RBFOX1: variants seen among roughly 807,000 people sequenced by gnomAD.
The protein encoded by RBFOX1 is RNA binding fox-1 homolog 1, also known as RNA binding protein fox-1 homolog 1.
RBFOX1 carries 8 observed loss-of-function variants against 57.7 expected under a neutral mutation model. That is an observed-to-expected ratio of 0.14 (90% confidence interval 0.08 to 0.25). The LOEUF (loss-of-function observed/expected upper bound fraction) is 0.25. Ranked by LOEUF, RBFOX1 falls within the 10% of genes least tolerant of loss-of-function variation. The pLI, the probability that RBFOX1 is intolerant of heterozygous loss-of-function variation, is 1.00. For missense variants in RBFOX1, 611 were observed against 548.5 expected (o/e 1.11, Z -1.14); for synonymous variants, 326 against 222.4 (o/e 1.47, Z -4.15).
intron 2 of RBFOX1, among the ~76,000 whole-genome samples, chr16:6,518,779 C>G (rs1567531334): frequency 1.3e-5 from 1 of 76,142 alleles, no homozygotes; most frequent in East Asian, 3.9e-4. Flanking sequence ...ATCCATCTGT[C>G]TGTCTGTCTG....
intron 3 of RBFOX1, among the ~76,000 whole-genome samples, chr16:5,792,048 G>A (rs759664893): frequency 2.0e-5 from 3 of 152,144 alleles, no homozygotes; most frequent in Non-Finnish European, 4.4e-5. Flanking sequence ...CAGAAGTTGT[G>A]TCTTTGCCTA....
chr16:7,430,840 T>C (rs926125449), intron 4 of RBFOX1, among the ~76,000 whole-genome samples: 8 of 152,294 alleles, frequency 5.3e-5, no homozygotes, highest in African/African-American at 1.7e-4. Flanking sequence ...GCATCCTTAT[T>C]CATAGGAAGG....
intron 4 of RBFOX1, among the ~76,000 whole-genome samples, chr16:7,247,957 G>A (rs59796945): frequency 1.1e-4 from 16 of 152,232 alleles, no homozygotes; most frequent in African/African-American, 3.9e-4. Flanking sequence ...TAATACCTGG[G>A]TGATGAAAAA....
At chr16:6,083,179 T>G (rs1276680528) in intron 1 of RBFOX1, among the ~76,000 whole-genome samples, 1 of 151,976 alleles carries the variant, frequency 6.6e-6, no homozygotes, top group Non-Finnish European at 1.5e-5. Flanking sequence ...GTTTTTGTAT[T>G]TTTAGTGGAG....
intron 2 of RBFOX1, among the ~76,000 whole-genome samples, chr16:5,505,543 C>T (rs1342055001): frequency 6.6e-6 from 1 of 152,144 alleles, no homozygotes; most frequent in Non-Finnish European, 1.5e-5. Context: ...TCCTGCAGCC[C>T]CTCTTACCCC....
chr16:6,693,661 C>T (rs1370239097), intron 3 of RBFOX1, among the ~76,000 whole-genome samples: 5 of 151,532 alleles, frequency 3.3e-5, no homozygotes, highest in Admixed American at 2.6e-4. Flanking sequence ...TCATCATCAT[C>T]ATCCTCATCT....
chr16:7,469,691 A>G (rs1272623167), intron 4 of RBFOX1, among the ~76,000 whole-genome samples: 2 of 152,198 alleles, frequency 1.3e-5, no homozygotes, highest in African/African-American at 4.8e-5. Flanking sequence ...ACCACATTGA[A>G]CATGGAAATT....
At chr16:6,969,765 C>G (rs1012676382) in intron 3 of RBFOX1, among the ~76,000 whole-genome samples, 1 of 151,866 alleles carries the variant, frequency 6.6e-6, no homozygotes, top group African/African-American at 2.4e-5. Flanking sequence ...AATAAGGTAA[C>G]GTATCTTAAT....
chr16:6,273,071 C>T (rs1431306965), intron 1 of RBFOX1, among the ~76,000 whole-genome samples: 1 of 151,916 alleles, frequency 6.6e-6, no homozygotes, highest in Non-Finnish European at 1.5e-5. Flanking sequence ...ACCAGCCTGG[C>T]CAACATGGTG....
intron 2 of RBFOX1, among the ~76,000 whole-genome samples, chr16:6,335,345 T>C (rs545007731): frequency 6.6e-6 from 1 of 152,194 alleles, no homozygotes; most frequent in African/African-American, 2.4e-5. Context: ...TATTCATGCA[T>C]CTCTCTAAAC....
At chr16:7,265,964 GTTTTTTTTT>G (rs1204871254) in intron 4 of RBFOX1, among the ~76,000 whole-genome samples, 1 of 70,236 alleles carries the variant, frequency 1.4e-5, no homozygotes, top group African/African-American at 6.5e-5. Flanking sequence ...GTGGGTTTTT[GTTTTTTTTT>G]TTTTTTTTTT....
chr16:6,681,584 T>G (rs150666619), intron 3 of RBFOX1, among the ~76,000 whole-genome samples: 24 of 152,126 alleles, frequency 1.6e-4, no homozygotes, highest in African/African-American at 5.3e-4. Flanking sequence ...TTGTTGTTAA[T>G]TTGGCCCGTT....
rs1202842215 is a variant in RBFOX1, at chr16:5,709,908, G to GTGAATTA, written c.318+110950_318+110956dup. On this transcript the variant is annotated intron_variant, in intron 3 of 19. Coordinates refer to the RBFOX1 transcript ENST00000641259. ...TTCCTTTATTCTTCACAACGGCCCC[G>GTGAATTA]TGAATTATGCATTATTGCCCTTGGC... Among the ~76,000 whole-genome samples the GTGAATTA allele has an allele frequency of 9.4e-4, 113 of 120,474 alleles. 2 individuals carry two copies. Among genetic ancestry groups the GTGAATTA allele is most frequent in the Admixed American group, 2.9e-3 (31 of 10,510 alleles). 79.0% of individuals were successfully genotyped at this position (120,474 alleles called of 152,430 possible).
intron 3 of RBFOX1, among the ~76,000 whole-genome samples, chr16:6,817,075 G>A (rs2090247546): frequency 6.6e-6 from 1 of 152,114 alleles, no homozygotes; most frequent in South Asian, 2.1e-4. Context: ...GCAAATCAAT[G>A]AATTGGACTT....
At chr16:6,916,101 A>G (rs1297460570) in intron 3 of RBFOX1, among the ~76,000 whole-genome samples, 1 of 152,100 alleles carries the variant, frequency 6.6e-6, no homozygotes, top group Non-Finnish European at 1.5e-5. Context: ...GAAAGGGCAT[A>G]AGCGCTGTGT....
chr16:5,773,256 T>C (rs2054038218), intron 3 of RBFOX1, among the ~76,000 whole-genome samples: 1 of 152,194 alleles, frequency 6.6e-6, no homozygotes, highest in African/African-American at 2.4e-5. Context: ...TTATAAAGCA[T>C]GTGAAGAAAG....
intron 4 of RBFOX1, among the ~76,000 whole-genome samples, chr16:7,393,242 T>C (rs1488749864): frequency 6.6e-6 from 1 of 152,176 alleles, no homozygotes; most frequent in Non-Finnish European, 1.5e-5. Context: ...AAATGCCTGA[T>C]GGAAGAGCTA....
chr16:5,795,423 C>T (rs1326311924), intron 3 of RBFOX1, among the ~76,000 whole-genome samples: 3 of 152,176 alleles, frequency 2.0e-5, no homozygotes, highest in Middle Eastern at 3.4e-3. Context: ...CCTGCCTCAG[C>T]CTCCCGAGTA....
intron 4 of RBFOX1, among the ~76,000 whole-genome samples, chr16:7,436,968 C>T (rs949869861): frequency 6.6e-6 from 1 of 152,142 alleles, no homozygotes; most frequent in African/African-American, 2.4e-5. Flanking sequence ...GTAATCCGAG[C>T]TACTCAGGAA....
Sources: gnomAD v4.1 joint callset for allele counts (sites outside exome capture counted in the v4.1 genomes callset) on GRCh38, gnomAD v4.1.1 for gene constraint, MANE v1.5 for transcripts, NCBI Gene and HGNC (gene_info 2026-07-23, HGNC 2026-07-21) for gene names.